GSE1: variants seen among roughly 807,000 people sequenced by gnomAD.
The protein encoded by GSE1 is genetic suppressor element 1.
In GSE1, 32 loss-of-function variants were observed where a neutral mutation model predicts 112.6. The ratio of observed to expected loss-of-function variants is 0.28; its 90% CI spans 0.21 to 0.38. The LOEUF is 0.38. GSE1 is among the 10% of genes least tolerant of loss of function. GSE1 has a pLI of 1.00. For synonymous variants in GSE1, 1,115 were observed against 735.6 expected (o/e 1.52, Z -8.35); for missense variants, 2,348 against 1,699.2 (o/e 1.38, Z -6.71).
At chr16:85,433,047 C>T (rs183181400) in intron 2 of GSE1, among the ~76,000 whole-genome samples, 1 of 151,568 alleles carries the variant, frequency 6.6e-6, no homozygotes, top group Non-Finnish European at 1.5e-5. Context: ...GATGATAAGT[C>T]CCCCCCAGAG....
In GSE1 at chr16:85,220,867, C is replaced by T. The variant is rs555426461; in HGVS notation, c.2283+49060C>T. ...CTTCCTCCCCATCCCTTTTCCGTTGCAGGAAACCTTCCCAAATCGTGCCCC... is the reference window on the plus strand; with the variant it reads ...CTTCCTCCCCATCCCTTTTCCGTTGTAGGAAACCTTCCCAAATCGTGCCCC... On this transcript the variant is annotated intron_variant, in intron 1 of 2. Transcript: ENST00000637419. Among the ~76,000 whole-genome samples, 13 of 152,162 alleles carry T rather than the reference C, an allele frequency of 8.5e-5. No individual in the cohort carries two copies. The South Asian group carries it at 2.7e-3, about 32-fold the overall frequency.
chr16:85,274,317 G>A (rs1019253742), intron 1 of GSE1, among the ~76,000 whole-genome samples: 1 of 152,056 alleles, frequency 6.6e-6, no homozygotes, highest in Non-Finnish European at 1.5e-5. Flanking sequence ...CCTGGGAGGC[G>A]GAGGTTGCAG....
chr16:85,367,224 C>T (rs2047203229), intron 2 of GSE1, among the ~76,000 whole-genome samples: 2 of 152,208 alleles, frequency 1.3e-5, no homozygotes, highest in African/African-American at 2.4e-5. Context: ...GGAGCAGACA[C>T]CACGGGAGAG....
chr16:85,331,521 A>T (rs62048472), intron 1 of GSE1, among the ~76,000 whole-genome samples: 1 of 62,178 alleles, frequency 1.6e-5, no homozygotes, highest in Non-Finnish European at 3.8e-5. Context: ...ATATATGTGT[A>T]TATATGTGTA....
chr16:85,223,192 A>G (rs1177657454), intron 1 of GSE1, among the ~76,000 whole-genome samples: 2 of 152,312 alleles, frequency 1.3e-5, no homozygotes, highest in African/African-American at 4.8e-5. Flanking sequence ...AGTCATGCCA[A>G]ATGGAACCAG....
intron 1 of GSE1, among the ~76,000 whole-genome samples, chr16:85,246,619 C>T (rs541226075): frequency 2.8e-4 from 42 of 151,782 alleles, no homozygotes; most frequent in African/African-American, 9.2e-4. Flanking sequence ...AAATGAGGCG[C>T]TTTGCAGGGC....
At chr16:85,376,001 A>T (rs2047412234) in intron 2 of GSE1, among the ~76,000 whole-genome samples, 1 of 152,096 alleles carries the variant, frequency 6.6e-6, no homozygotes, top group Admixed American at 6.5e-5. Flanking sequence ...TGAAGCTGGA[A>T]TTCCCACAGG....
At chr16:85,307,936 G>T (rs1030440793) in intron 1 of GSE1, among the ~76,000 whole-genome samples, 2 of 152,174 alleles carry the variant, frequency 1.3e-5, no homozygotes, top group African/African-American at 4.8e-5. Context: ...ACCAGTACTT[G>T]GGAGTTTGGG....
chr16:85,402,898 A>G (rs1333897545), intron 2 of GSE1, among the ~76,000 whole-genome samples: 1 of 150,596 alleles, frequency 6.6e-6, no homozygotes, highest in Admixed American at 6.7e-5. Flanking sequence ...CCTAGGTGAC[A>G]GTGAAAGACC....
chr16:85,392,978 G>T (rs1445726720), intron 2 of GSE1, among the ~76,000 whole-genome samples: 1 of 152,216 alleles, frequency 6.6e-6, no homozygotes, highest in Non-Finnish European at 1.5e-5. Flanking sequence ...GCCTCTTTGG[G>T]CTCGGCCTCC....
chr16:85,639,315 G>C (rs892110642), intron 2 of GSE1, among the ~76,000 whole-genome samples: 7 of 152,130 alleles, frequency 4.6e-5, no homozygotes, highest in African/African-American at 1.4e-4. Context: ...CGGAATGGCG[G>C]CCTGGCCACC....
chr16:85,640,191 C>A (rs1438416992), intron 2 of GSE1, among the ~76,000 whole-genome samples: 1 of 152,098 alleles, frequency 6.6e-6, no homozygotes, highest in East Asian at 1.9e-4. Flanking sequence ...CCGTTCCCAC[C>A]CCGCCTCCTT....
At chr16:85,584,087 C>A (rs959405633) in intron 1 of GSE1, among the ~76,000 whole-genome samples, 1 of 152,228 alleles carries the variant, frequency 6.6e-6, no homozygotes, top group Non-Finnish European at 1.5e-5. Context: ...CGCATGGGGA[C>A]GGGGACACAG....
At chr16:85,169,718 T>G in exon 1 of GSE1, 1 of 983,398 alleles carries the variant, frequency 1.0e-6, no homozygotes, top group Non-Finnish European at 1.2e-6. Context: ...TTCCCGTTCC[T>G]GCAGCAGCAG....
exon 1 of GSE1, chr16:85,170,930 A>G: frequency 1.0e-6 from 1 of 985,550 alleles, no homozygotes; most frequent in Non-Finnish European, 1.2e-6. Flanking sequence ...CTCCCGAGGG[A>G]AGAGGGCCTG....
At chr16:85,640,122 C>G (rs2050321304) in intron 2 of GSE1, among the ~76,000 whole-genome samples, 3 of 152,222 alleles carry the variant, frequency 2.0e-5, no homozygotes, top group African/African-American at 4.8e-5. Flanking sequence ...GAAGCCCCAC[C>G]TCACCCCAGC....
At chr16:85,619,273 C>G (rs574398240) in intron 1 of GSE1, among the ~76,000 whole-genome samples, 1 of 152,216 alleles carries the variant, frequency 6.6e-6, no homozygotes, top group African/African-American at 2.4e-5. Flanking sequence ...TTCCTGCGCT[C>G]GGATGGTGGG....
chr16:85,521,924 C>T (rs369902248), intron 2 of GSE1, among the ~76,000 whole-genome samples: 1 of 152,228 alleles, frequency 6.6e-6, no homozygotes, highest in East Asian at 1.9e-4. Flanking sequence ...CGTGACAGAG[C>T]GTGCCAGCGT....
chr16:85,247,811 T>C (rs1906025423), intron 1 of GSE1, among the ~76,000 whole-genome samples: 2 of 152,168 alleles, frequency 1.3e-5, no homozygotes, highest in African/African-American at 4.8e-5. Context: ...AGGGGGCTGG[T>C]CTTTGAGTGC....
Sources: gnomAD v4.1 joint callset for allele counts (sites outside exome capture counted in the v4.1 genomes callset) on GRCh38, gnomAD v4.1.1 for gene constraint, MANE v1.5 for transcripts, NCBI Gene and HGNC (gene_info 2026-07-23, HGNC 2026-07-21) for gene names.